Variants in RPA3 observed in about 807,000 individuals in gnomAD.
RPA3 encodes replication protein A3.
Under a neutral mutation model 13.7 loss-of-function variants are expected in RPA3, and 24 were observed. The ratio of observed to expected loss-of-function variants is 1.75; its 90% CI spans 1.27 to 2.46. RPA3 has a LOEUF of 2.46. Ranked by LOEUF, RPA3 falls within the 30% of genes most tolerant of loss-of-function variation. The pLI, the probability that RPA3 is intolerant of heterozygous loss-of-function variation, is 0.00. For synonymous variants in RPA3, 59 were observed against 51.2 expected (o/e 1.15, Z -0.65); for missense variants, 183 against 151.0 (o/e 1.21, Z -1.11).
intron 4 of RPA3, among the ~76,000 whole-genome samples, chr7:7,645,878 T>C (rs1785082294): frequency 6.6e-6 from 1 of 152,072 alleles, no homozygotes; most frequent in Non-Finnish European, 1.5e-5. Flanking sequence ...CTTTTTTGTA[T>C]AGTCCTTGTC....
intron 2 of RPA3, among the ~76,000 whole-genome samples, chr7:7,688,993 G>C (rs549710019): frequency 6.6e-6 from 1 of 152,238 alleles, no homozygotes; most frequent in South Asian, 2.1e-4. Context: ...ATGCAAATTA[G>C]TAAGCATTCA....
At chr7:7,677,099 TTTTTTA>T (rs1048217589) in intron 4 of RPA3, among the ~76,000 whole-genome samples, 3 of 152,138 alleles carry the variant, frequency 2.0e-5, no homozygotes, top group African/African-American at 4.8e-5. Flanking sequence ...TTGTTTTAAA[TTTTTTA>T]TTTTTAATCA....
intron 4 of RPA3, among the ~76,000 whole-genome samples, chr7:7,683,782 C>T (rs1200482653): frequency 2.0e-5 from 3 of 152,124 alleles, no homozygotes; most frequent in Non-Finnish European, 4.4e-5. Context: ...ACCACCACAC[C>T]TGCCTAATTT....
intron 4 of RPA3, among the ~76,000 whole-genome samples, chr7:7,670,049 A>G (rs145660407): frequency 1.2e-3 from 179 of 152,294 alleles, no homozygotes; most frequent in African/African-American, 3.9e-3. Flanking sequence ...TTTAAATTTG[A>G]TGTTTTAGGT....
chr7:7,673,462 T>C, intron 4 of RPA3: 1 of 794,078 alleles, frequency 1.3e-6, no homozygotes, highest in Non-Finnish European at 2.1e-6. Flanking sequence ...AGGTGAGTCT[T>C]TTTAAGAAAC....
In RPA3 at chr7:7,685,824, T is replaced by G. The variant is rs753745172; in HGVS notation, c.-758+6A>C. On this transcript the variant is annotated splice_donor_region_variant and intron_variant, in intron 4 of 7. Transcript: ENST00000223129. ...TCATTATATCATGATAGAATTATGG[T>G]CTTACCTTGGAAGAATAGTATCTCA... 6.6e-6 allele frequency: 1 copy of G among 152,246 alleles called. No individual in the cohort carries two copies. Among genetic ancestry groups the G allele is most frequent in the Non-Finnish European group, 1.5e-5 (1 of 68,042 alleles). The allele number at this position is 152,246 out of a possible 1,614,324, so 9.4% of individuals were successfully genotyped here.
In RPA3 at chr7:7,697,675, G is replaced by A. The variant is rs140190248; in HGVS notation, c.-1027-10347C>T. On this transcript the variant is annotated intron_variant, in intron 2 of 7. Transcript: ENST00000223129. ...CATTCATGTGACATTGGCACCCAGT[G>A]TGTAATAGAGCTGTGGTTATTTTAA... 7.9e-5 allele frequency among the ~76,000 whole-genome samples: 12 copies of A among 152,306 alleles called. No individual in the cohort carries two copies. The East Asian group carries it at 2.3e-3, about 29-fold the overall frequency.
chr7:7,693,594 C>G (rs188623119), intron 2 of RPA3, among the ~76,000 whole-genome samples: 223 of 152,086 alleles, frequency 1.5e-3, no homozygotes, highest in African/African-American at 5.1e-3. Flanking sequence ...ACATTAAGGT[C>G]TATTTTAAGG....
chr7:7,675,767 T>C (rs574980678), intron 4 of RPA3, among the ~76,000 whole-genome samples: 29 of 152,220 alleles, frequency 1.9e-4, no homozygotes, highest in African/African-American at 6.7e-4. Flanking sequence ...ATCACTTCCG[T>C]CGTAGTTCCA....
At chr7:7,652,252 C>T (rs577297660) in intron 4 of RPA3, among the ~76,000 whole-genome samples, 4 of 152,108 alleles carry the variant, frequency 2.6e-5, no homozygotes, top group African/African-American at 9.7e-5. Flanking sequence ...ATAGGATTTC[C>T]GAGTAAAGCA....
rs28914170 is a variant in RPA3, at chr7:7,694,572, A to G, written c.-1027-7244T>C. Among the ~76,000 whole-genome samples, 1,215 of 146,222 alleles carry G rather than the reference A, an allele frequency of 8.3e-3. 11 individuals carry two copies. Among genetic ancestry groups the G allele is most frequent in the Non-Finnish European group, 0.012 (837 of 67,022 alleles). ...CCCAGACTCTGGTAACCATCATTCT[A>G]CTCTCTATCTCTCTGAGTTCAATTA... On this transcript the variant is annotated intron_variant, in intron 2 of 7. Transcript: ENST00000223129.
At chr7:7,644,553 T>C (rs746795627) in intron 4 of RPA3, among the ~76,000 whole-genome samples, 1 of 152,244 alleles carries the variant, frequency 6.6e-6, no homozygotes, top group Non-Finnish European at 1.5e-5. Flanking sequence ...GAATTCACTC[T>C]TCATGTATGT....
chr7:7,649,658 G>T (rs749745105), intron 4 of RPA3, among the ~76,000 whole-genome samples: 28 of 151,066 alleles, frequency 1.9e-4, no homozygotes, highest in Admixed American at 6.6e-5. Flanking sequence ...GTGTTAATTT[G>T]AATGTTATAC....
At chr7:7,677,835 G>A (rs898020605) in intron 4 of RPA3, among the ~76,000 whole-genome samples, 3 of 150,624 alleles carry the variant, frequency 2.0e-5, no homozygotes, top group Non-Finnish European at 3.0e-5. Context: ...CACTACGCCC[G>A]GCTAATTTTT....
intron 4 of RPA3, among the ~76,000 whole-genome samples, chr7:7,659,224 T>C (rs1235476254): frequency 6.6e-6 from 1 of 152,188 alleles, no homozygotes; most frequent in Admixed American, 6.5e-5. Flanking sequence ...GCTAGCAGTC[T>C]TTTTATTTTG....
intron 4 of RPA3, among the ~76,000 whole-genome samples, chr7:7,642,469 ATTT>A (rs10595305): frequency 0.017 from 2,611 of 150,064 alleles, 74 homozygotes; most frequent in African/African-American, 0.061. Flanking sequence ...TGTAATAGTG[ATTT>A]TTTTTTTTTT....
At chr7:7,663,668 A>G (rs1483674349) in intron 4 of RPA3, among the ~76,000 whole-genome samples, 4 of 152,226 alleles carry the variant, frequency 2.6e-5, no homozygotes, top group East Asian at 1.9e-4. Context: ...AGATACTGCA[A>G]CTGGTTCAAA....
chr7:7,649,158 C>CAAAAAAAAAAAAAA (rs34943326), intron 4 of RPA3, among the ~76,000 whole-genome samples: 2 of 128,872 alleles, frequency 1.6e-5, no homozygotes, highest in Non-Finnish European at 1.6e-5. Flanking sequence ...GACTCCATCT[C>CAAAAAAAAAAAAAA]AAAAAAAAAA....
At chr7:7,649,361 C>A (rs1239902998) in intron 4 of RPA3, among the ~76,000 whole-genome samples, 2 of 151,900 alleles carry the variant, frequency 1.3e-5, no homozygotes, top group Non-Finnish European at 2.9e-5. Context: ...GAAACTACTC[C>A]CCCAATAACT....
Sources: gnomAD v4.1 joint callset for allele counts (sites outside exome capture counted in the v4.1 genomes callset) on GRCh38, gnomAD v4.1.1 for gene constraint, MANE v1.5 for transcripts, NCBI Gene and HGNC (gene_info 2026-07-23, HGNC 2026-07-21) for gene names.